The following TEAD1 variants were observed in gnomAD, a reference collection of about 807,000 sequenced individuals.
The protein encoded by TEAD1 is TEA domain transcription factor 1, also known as transcriptional enhancer factor TEF-1.
In TEAD1, 9 loss-of-function variants were observed where a neutral mutation model predicts 54.9. The observed-to-expected ratio is 0.16, with a 90% CI of 0.10 to 0.29. The LOEUF is 0.29. Among genes scored for constraint, TEAD1 ranks in the 10% least tolerant of loss-of-function variants. The probability of loss-of-function intolerance (pLI) is 1.00; values close to 1 mark genes in which losing one functional copy is unlikely to be tolerated. For missense variants in TEAD1, 387 were observed against 535.9 expected, an observed-to-expected ratio of 0.72 and a Z score of 2.74; for synonymous variants, 200 against 187.8, an observed-to-expected ratio of 1.07 and a Z score of -0.53.
intron 2 of TEAD1, among the ~76,000 whole-genome samples, chr11:12,751,509 A>G (rs1022618087): frequency 2.0e-5 from 3 of 152,180 alleles, no homozygotes; most frequent in East Asian, 1.9e-4. Context: ...TCTTGCAGGT[A>G]TGTGTACTTA....
At chr11:12,886,573 G>A (rs535402781) in intron 9 of TEAD1, among the ~76,000 whole-genome samples, 1 of 152,204 alleles carries the variant, frequency 6.6e-6, no homozygotes, top group South Asian at 2.1e-4. Context: ...CACTTGGGTG[G>A]AGAACACAAG....
intron 2 of TEAD1, among the ~76,000 whole-genome samples, chr11:12,761,362 C>T (rs72858136): frequency 0.012 from 1,866 of 152,290 alleles, 21 homozygotes; most frequent in Middle Eastern, 0.027. Context: ...ACATCCTTCC[C>T]ATGTGACAGA....
chr11:12,907,265 G>T (rs1948536886), intron 10 of TEAD1, among the ~76,000 whole-genome samples: 1 of 152,182 alleles, frequency 6.6e-6, no homozygotes, highest in African/African-American at 2.4e-5. Flanking sequence ...ATTGAGGTGT[G>T]TTGCAGCTGA....
intron 3 of TEAD1, among the ~76,000 whole-genome samples, chr11:12,805,125 A>G (rs1367811947): frequency 6.6e-6 from 1 of 152,194 alleles, no homozygotes; most frequent in Admixed American, 6.5e-5. Context: ...TCAAAAGACC[A>G]TTTGGTGGCT....
In TEAD1 at chr11:12,741,387, G is replaced by A. The variant is rs112801815; in HGVS notation, c.-54-22792G>A. 2.3e-3 allele frequency among the ~76,000 whole-genome samples: 349 copies of A among 152,184 alleles called. 1 individual carries two copies. Among genetic ancestry groups the A allele is most frequent in the African/African-American group, 7.6e-3 (315 of 41,520 alleles). On this transcript the variant is annotated intron_variant, in intron 2 of 12. Transcript: ENST00000527636. ...AGGATTGCTAGGTCAAAGGATTTAA[G>A]CCTTTTGAGGCTCCCAATAAAGGTA...
intron 3 of TEAD1, 141 bp from the exon 4 acceptor site, chr11:12,862,109 C>G: frequency 1.7e-6 from 1 of 595,628 alleles, no homozygotes; most frequent in Non-Finnish European, 3.1e-6. Flanking sequence ...GACAATTGTG[C>G]TGTTTTATTT....
In TEAD1 at chr11:12,908,883, G is replaced by GTTTTTTTTTTTTTTTTT. The variant is rs60042137; in HGVS notation, c.873+6783_873+6784insTTTTTTTTTTTTTTTTT. 1.1e-3 allele frequency among the ~76,000 whole-genome samples: 109 copies of GTTTTTTTTTTTTTTTTT among 99,634 alleles called. 2 individuals carry two copies. The highest frequency in any genetic ancestry group is 4.5e-3 in the Middle Eastern group (1 of 220). The allele number at this position is 99,634 out of a possible 152,430, so 65.4% of individuals were successfully genotyped here. ...TATGTCAGTATACTTCAAATTATCTGTTTTTTTTTTTTTGAGACAGTGTTG... is the reference window on the plus strand; with the variant it reads ...TATGTCAGTATACTTCAAATTATCTGTTTTTTTTTTTTTTTTTTTTTTTTTTTTTTGAGACAGTGTTG... On this transcript the variant is annotated intron_variant, in intron 10 of 12. Transcript: ENST00000527636.
chr11:12,748,590 C>T (rs893030726), intron 2 of TEAD1, among the ~76,000 whole-genome samples: 12 of 152,010 alleles, frequency 7.9e-5, no homozygotes, highest in Non-Finnish European at 1.5e-4. Flanking sequence ...TTTCTGACTG[C>T]GGGATAGTGT....
intron 10 of TEAD1, among the ~76,000 whole-genome samples, chr11:12,906,784 G>A (rs995232305): frequency 1.3e-5 from 2 of 152,116 alleles, no homozygotes. Flanking sequence ...ATCATTCAGT[G>A]TATTGTTTTT....
chr11:12,747,574 G>T (rs192999999), intron 2 of TEAD1, among the ~76,000 whole-genome samples: 2 of 152,316 alleles, frequency 1.3e-5, no homozygotes, highest in Admixed American at 1.3e-4. Flanking sequence ...GACCTCAAGT[G>T]ATCTGCCTGC....
chr11:12,806,932 C>T (rs1388740299), intron 3 of TEAD1, among the ~76,000 whole-genome samples: 1 of 152,046 alleles, frequency 6.6e-6, no homozygotes, highest in Non-Finnish European at 1.5e-5. Context: ...AATCTTGAGG[C>T]TGTTTGGGGC....
At chr11:12,799,429 A>G (rs980589883) in intron 3 of TEAD1, among the ~76,000 whole-genome samples, 3 of 152,196 alleles carry the variant, frequency 2.0e-5, no homozygotes, top group Non-Finnish European at 4.4e-5. Context: ...TTTTATTTCT[A>G]TAAATCATTC....
chr11:12,822,055 C>G (rs1946563162), intron 3 of TEAD1, among the ~76,000 whole-genome samples: 1 of 148,508 alleles, frequency 6.7e-6, no homozygotes, highest in Non-Finnish European at 1.5e-5. Flanking sequence ...GCTCCGCCTC[C>G]CAGGTTCACA....
chr11:12,729,293 G>A (rs79961250), intron 2 of TEAD1, among the ~76,000 whole-genome samples: 2,011 of 152,292 alleles, frequency 0.013, 41 homozygotes, highest in African/African-American at 0.046. Context: ...CAACAGCAGC[G>A]TCAGCATCAC....
chr11:12,731,623 T>G (rs1192655670), intron 2 of TEAD1, among the ~76,000 whole-genome samples: 1 of 152,228 alleles, frequency 6.6e-6, no homozygotes, highest in Non-Finnish European at 1.5e-5. Flanking sequence ...TGTCAGTTCC[T>G]TCTCATTTTT....
chr11:12,711,484 A>G (rs191590030), intron 2 of TEAD1, among the ~76,000 whole-genome samples: 3 of 152,174 alleles, frequency 2.0e-5, no homozygotes, highest in African/African-American at 7.2e-5. Flanking sequence ...CATACTGCAA[A>G]CCTCCCTGGA....
At chr11:12,859,909 A>C (rs2134064343) in intron 3 of TEAD1, among the ~76,000 whole-genome samples, 1 of 152,312 alleles carries the variant, frequency 6.6e-6, no homozygotes, top group Admixed American at 6.5e-5. Context: ...TGTGCTCCTT[A>C]AAAATTTAAT....
intron 2 of TEAD1, among the ~76,000 whole-genome samples, chr11:12,702,433 G>A (rs1258133226): frequency 6.6e-6 from 1 of 152,140 alleles, no homozygotes; most frequent in Admixed American, 6.5e-5. Context: ...TGTCTTAAAT[G>A]TACCGTAGCC....
intron 3 of TEAD1, among the ~76,000 whole-genome samples, chr11:12,774,137 A>C (rs1945369583): frequency 6.6e-6 from 1 of 152,148 alleles, no homozygotes; most frequent in South Asian, 2.1e-4. Flanking sequence ...TGCATGTAGG[A>C]GAGGAGGCAG....
Sources: gnomAD v4.1 joint callset for allele counts (sites outside exome capture counted in the v4.1 genomes callset) on GRCh38, gnomAD v4.1.1 for gene constraint, MANE v1.5 for transcripts, NCBI Gene and HGNC (gene_info 2026-07-23, HGNC 2026-07-21) for gene names.